The following SPTBN5 variants were observed in gnomAD, a reference collection of about 807,000 sequenced individuals.
The protein encoded by SPTBN5 is spectrin beta chain, non-erythrocytic 5.
SPTBN5 carries 513 observed loss-of-function variants against 477.6 expected under a neutral mutation model. The observed-to-expected ratio is 1.07, with a 90% CI of 1.00 to 1.16. SPTBN5 has a LOEUF of 1.16. SPTBN5 is among the 50% of genes most tolerant of loss of function. SPTBN5 has a pLI of 0.00. For missense variants in SPTBN5, 5,062 were observed against 4,731.8 expected (o/e 1.07, Z -2.05); for synonymous variants, 2,169 against 2,011.7 (o/e 1.08, Z -2.09).
rs773035700 is a variant in SPTBN5 at position 41,888,000 on chromosome 15, T to G, written c.587A>C (p.Asn196Thr). 6.2e-7 allele frequency: 1 copy of G among 1,602,570 alleles called. No individual in the cohort carries two copies. Among genetic ancestry groups the G allele is most frequent in the South Asian group, 1.1e-5 (1 of 88,404 alleles). Reference protein sequence around the residue: ...WCQRKTASYTNVNITDFSRSW... With the variant: ...WCQRKTASYTTVNITDFSRSW... ...TCGGGAGAAATCTGTAATGTTCACG[T>G]TGGTGTAGCTGGCTGTCTTCCGCTG... The change falls in exon 5 of 68, where the codon AAC (asparagine) becomes ACC (threonine). Residue 196 changes from asparagine (N) to threonine (T), a missense_variant. Coordinates refer to ENST00000320955, the MANE Select transcript of SPTBN5 (RefSeq NM_016642.4).
Position 41,853,370 on chromosome 15 carries a change from A to G in SPTBN5, c.10058T>C (p.Leu3353Pro). ...AEDVAGAEQL[L>P]GQHEELGQEI... ...TTGCCCCAGCTCTTCATGCTGCCCA[A>G]GGAGCTGCTCAGCCCCCGCCACGTC... The change falls in exon 59 of 68, where the codon CTT becomes CCT. Residue 3353 changes from leucine to proline, a missense_variant. By Grantham distance (98) the Leu-to-Pro change is moderately conservative. Coordinates refer to ENST00000320955, the MANE Select transcript of SPTBN5 (RefSeq NM_016642.4). The G allele has an allele frequency of 1.9e-6, 3 of 1,611,872 alleles. No homozygotes were observed. Among genetic ancestry groups the G allele is most frequent in the Non-Finnish European group, 2.5e-6 (3 of 1,179,076 alleles).
intron 7 of SPTBN5, among the ~76,000 whole-genome samples, 179 bp downstream of exon 7, chr15:41,885,556 G>GA (rs1170970965): frequency 1.3e-5 from 2 of 152,234 alleles, no homozygotes; most frequent in African/African-American, 4.8e-5. Flanking sequence ...CAATAGGAAT[G>GA]AATTACTGAT....
chr15:41,853,275 G>T lies in SPTBN5; in HGVS notation c.10153C>A (p.His3385Asn). The stretch of plus-strand genomic sequence containing the variant: ...GTTCACACCTCCGCAGACATGAAGT[G>T]GCTGTTGTCCACCAGCTGCTGTCCT... ...QEGQQLVDNS[H>N]FMSAEVTECL... Residue 3385 changes from histidine to asparagine, a missense_variant, in exon 59 of 68, where the codon CAC becomes AAC. His to Asn is a moderately conservative substitution (Grantham distance 68, BLOSUM62 1). Transcript: ENST00000320955. The T allele has an allele frequency of 6.2e-7, 1 of 1,607,854 alleles. No individual in the cohort carries two copies.
chr15:41,883,563 G>A (rs2067049788), intron 7 of SPTBN5, 77 bp from the exon 8 acceptor site: 1 of 1,545,146 alleles, frequency 6.5e-7, no homozygotes, highest in Admixed American at 1.8e-5. Context: ...GGTCTGTGGT[G>A]GGGCTTGGCT....
At chr15:41,872,188 A>C in intron 27 of SPTBN5, 114 bp downstream of exon 27, 1 of 1,341,532 alleles carries the variant, frequency 7.5e-7, no homozygotes, top group Admixed American at 2.6e-5. Context: ...TTCCCAATGC[A>C]TCTCTACAGC....
Position 41,869,956 on chromosome 15 carries a change from G to C in SPTBN5, c.5738C>G (p.Ala1913Gly), listed in dbSNP as rs766304996. ...CACAGCTTGCTGCCTCTGCTGCACC[G>C]CATGGGCCTGAGGCCCCGGACACAG... ...QKLCPGPQAH[A>G]VQQRQQAVTQ... is the part of the protein sequence containing the mutation. Residue 1913 changes from alanine to glycine, a missense_variant, in exon 32 of 68, where the codon GCG becomes GGG. Ala to Gly is a moderately conservative substitution (Grantham distance 60). Transcript: ENST00000320955. 3.2e-6 allele frequency: 5 copies of C among 1,547,284 alleles called. No homozygotes were observed. Among genetic ancestry groups the C allele is most frequent in the Admixed American group, 1.9e-5 (1 of 51,456 alleles).
chr15:41,882,366 C>G lies in SPTBN5; in HGVS notation c.2150G>C (p.Gly717Ala). The G allele has an allele frequency of 6.5e-7, 1 of 1,536,294 alleles. No homozygotes were observed. The highest frequency in any genetic ancestry group is 8.7e-7 in the Non-Finnish European group (1 of 1,146,844). The change falls in exon 11 of 68, where the codon GGG (glycine) becomes GCG (alanine). Residue 717 changes from glycine to alanine, a missense_variant. By Grantham distance (60) the Gly-to-Ala change is moderately conservative. Transcript: ENST00000320955. ...TCCCTGAACGGCCTCTGCCCGTTCCCCGGGATCCGGCTGCGTTGGGGGCCT... is the reference window on the plus strand; with the variant it reads ...TCCCTGAACGGCCTCTGCCCGTTCCGCGGGATCCGGCTGCGTTGGGGGCCT... Reference protein sequence around the residue: ...ARRPPTQPDPGERAEAVQGGW... With the variant: ...ARRPPTQPDPAERAEAVQGGW...
intron 47 of SPTBN5, among the ~76,000 whole-genome samples, 191 bp downstream of exon 47, chr15:41,860,395 G>A (rs914899193): frequency 6.6e-6 from 1 of 152,388 alleles, no homozygotes; most frequent in East Asian, 1.9e-4. Flanking sequence ...TCCACGTGGT[G>A]TTTGATGTCC....
In SPTBN5 at chr15:41,856,411, T is replaced by A. The variant is rs1399240562; in HGVS notation, c.8996A>T (p.Gln2999Leu). 3.2e-6 allele frequency: 5 copies of A among 1,586,232 alleles called. No individual in the cohort carries two copies. The highest frequency in any genetic ancestry group is 4.3e-6 in the Non-Finnish European group (5 of 1,164,482). ...ARRRLLLQQA[Q>L]EAQQFLTELL... is the part of the protein sequence containing the mutation. ...CTCAGTCAGAAACTGCTGGGCCTCC[T>A]GAGCCTGCTGCAGCAGAAGCCGCCT... is the stretch of plus-strand genomic sequence containing the variant. Residue 2999 changes from glutamine (Q) to leucine (L), a missense_variant, in exon 53 of 68, where the codon CAG becomes CTG. By Grantham distance (113) the Gln-to-Leu change is moderately radical (BLOSUM62 -2). Transcript: ENST00000320955.
chr15:41,855,042 G>T (rs1006308842), intron 55 of SPTBN5, 66 bp from the exon 56 acceptor site: 6 of 1,481,788 alleles, frequency 4.0e-6, no homozygotes, highest in Non-Finnish European at 5.4e-6. Context: ...AGCTCATGAA[G>T]AGCTCAGCAG....
In SPTBN5 at chr15:41,862,511, G is replaced by A. The variant is rs369105673; in HGVS notation, c.7385+28C>T. The A allele has an allele frequency of 2.0e-4, 321 of 1,575,104 alleles. 1 individual carries two copies. The African/African-American group carries it at 3.3e-3, about 16-fold the overall frequency. On this transcript the variant is annotated intron_variant, in intron 43 of 67. Transcript: ENST00000320955. ...GGACTGAGATGCTGGAGGATGGGTC[G>A]GCGAGGGCAAGGCCTGCGGGTTCAT... is the stretch of plus-strand genomic sequence containing the variant.
chr15:41,874,288 T>C lies in SPTBN5; in HGVS notation c.4689+4A>G, dbSNP rs764252501. 1.2e-6 allele frequency: 2 copies of C among 1,607,922 alleles called. No homozygotes were observed. The highest frequency in any genetic ancestry group is 1.7e-6 in the Non-Finnish European group (2 of 1,176,810). On this transcript the variant is annotated splice_donor_region_variant and intron_variant, in intron 24 of 67. Coordinates refer to ENST00000320955, the MANE Select transcript of SPTBN5 (RefSeq NM_016642.4). ...TAATCCTGTAGGAAGAAGAGGGCTATTACCTTGTGCTTGCGGTGAAGGCTC... is the reference window on the plus strand; with the variant it reads ...TAATCCTGTAGGAAGAAGAGGGCTACTACCTTGTGCTTGCGGTGAAGGCTC...
intron 7 of SPTBN5, 74 bp from the exon 8 acceptor site, chr15:41,883,560 G>A: frequency 1.3e-6 from 2 of 1,552,332 alleles, no homozygotes; most frequent in East Asian, 2.3e-5. Context: ...CCTGGTCTGT[G>A]GTGGGGCTTG....
chr15:41,852,769 T>TGGGGGG, intron 60 of SPTBN5, 34 bp from the exon 61 acceptor site: 16 of 1,272,756 alleles, frequency 1.3e-5, no homozygotes, highest in Non-Finnish European at 1.7e-5. Context: ...ACGCCCAGCT[T>TGGGGGG]GGGGGGGGGG....
Position 41,852,847 on chromosome 15 carries a change from G to A in SPTBN5, c.10324C>T (p.Leu3442Phe). ...AEAWLACWEG[L>F]LLKPDYGHSV... is the part of the protein sequence containing the mutation. ...ACCCCATAGTCGGGCTTCAGCAGGA[G>A]TCCCTCCCAGCAGGCCAGCCAGGCC... The change falls in exon 60 of 68, where the codon CTC becomes TTC. Residue 3442 changes from leucine (L) to phenylalanine (F), a missense_variant. Leu to Phe is a conservative substitution (Grantham distance 22). Coordinates refer to ENST00000320955, the MANE Select transcript of SPTBN5 (RefSeq NM_016642.4). 2 of 1,606,764 alleles carry A rather than the reference G, an allele frequency of 1.2e-6. No individual in the cohort carries two copies. The highest frequency in any genetic ancestry group is 1.1e-5 in the South Asian group (1 of 90,760).
At position 41,873,594 on chromosome 15, in the gene SPTBN5, C is replaced by T. The variant is rs1262985302; in HGVS notation, c.4905G>A (p.Val1635=). The change falls in exon 26 of 68, where the codon GTG becomes GTA. Residue 1635 remains valine (V), a synonymous_variant. Coordinates refer to ENST00000320955, the MANE Select transcript of SPTBN5 (RefSeq NM_016642.4). ...CCTCCACCCAGCCCTCCAGCTCTGA[C>T]ACATCCAGAAAGTACTGCCAAGAGT... The part of the protein sequence containing the change: ...AVTFQQYFLD[V]SELEGWVEEK... The T allele has an allele frequency of 1.3e-6, 2 of 1,552,064 alleles. No homozygotes were observed. The highest frequency in any genetic ancestry group is 2.4e-5 in the East Asian group (1 of 40,952).
chr15:41,883,261 C>T (rs1393733584), intron 8 of SPTBN5, 33 bp from the exon 9 acceptor site: 1 of 1,605,206 alleles, frequency 6.2e-7, no homozygotes, highest in South Asian at 1.1e-5. Context: ...GCAGTGGTCC[C>T]AAGGTGCTGG....
intron 39 of SPTBN5, 89 bp from the exon 40 acceptor site, chr15:41,864,113 C>T (rs1180919330): frequency 1.7e-6 from 2 of 1,180,394 alleles, no homozygotes; most frequent in South Asian, 2.8e-5. Flanking sequence ...CATGCCTGGG[C>T]CCCGGAGCAT....
chr15:41,885,943 G>T lies in SPTBN5; in HGVS notation c.1312C>A (p.Arg438=). 6.4e-7 allele frequency: 1 copy of T among 1,571,212 alleles called. No homozygotes were observed. Among genetic ancestry groups the T allele is most frequent in the Non-Finnish European group, 8.6e-7 (1 of 1,158,320 alleles). ...TCTGCATCCTTAAGGAAACTCTCCC[G>T]GAGGGCTGCCTTGTGCTGGAAGCGC... ...ARRFQHKAAL[R]ESFLKDAEQV... is the part of the protein sequence containing the mutation. The change falls in exon 7 of 68, where the codon CGG becomes AGG. Residue 438 remains arginine, a synonymous_variant. Transcript: ENST00000320955.
Sources: gnomAD v4.1 joint callset for allele counts (sites outside exome capture counted in the v4.1 genomes callset) on GRCh38, gnomAD v4.1.1 for gene constraint, MANE v1.5 for transcripts, NCBI Gene and HGNC (gene_info 2026-07-23, HGNC 2026-07-21) for gene names.